Variants in SDCCAG8 observed in about 807,000 individuals in gnomAD.
The protein encoded by SDCCAG8 is serologically defined colon cancer antigen 8.
A neutral mutation model predicts 101.8 loss-of-function variants in SDCCAG8; 74 were observed. That is an observed-to-expected ratio of 0.73 (90% CI 0.60 to 0.88). SDCCAG8 has a LOEUF of 0.88. Among genes scored for constraint, SDCCAG8 ranks in the 40% least tolerant of loss-of-function variants. SDCCAG8 has a pLI of 0.00. For missense variants in SDCCAG8, 787 were observed against 822.6 expected, an observed-to-expected ratio of 0.96 and a Z score of 0.53; for synonymous variants, 281 against 292.9, an observed-to-expected ratio of 0.96 and a Z score of 0.41.
intron 16 of SDCCAG8, among the ~76,000 whole-genome samples, chr1:243,487,175 T>A (rs1041566709): frequency 6.6e-6 from 1 of 152,210 alleles, no homozygotes. Flanking sequence ...GCCGCCTGCC[T>A]GTGTCAGAGG....
intron 13 of SDCCAG8, among the ~76,000 whole-genome samples, chr1:243,381,524 G>A (rs1428302710): frequency 1.3e-5 from 2 of 152,006 alleles, no homozygotes; most frequent in African/African-American, 4.8e-5. Flanking sequence ...TGAGGTTCAA[G>A]CCTGCTGTGA....
intron 16 of SDCCAG8, among the ~76,000 whole-genome samples, chr1:243,471,997 T>C (rs1182093921): frequency 6.6e-6 from 1 of 152,168 alleles, no homozygotes; most frequent in African/African-American, 2.4e-5. Context: ...CCATTCTTAT[T>C]TTGGGAGGCT....
At chr1:243,420,322 A>G (rs1002857992) in intron 15 of SDCCAG8, among the ~76,000 whole-genome samples, 19 of 152,250 alleles carry the variant, frequency 1.2e-4, no homozygotes, top group South Asian at 1.2e-3. Flanking sequence ...ACATACACGT[A>G]TCAAGTGCCT....
intron 16 of SDCCAG8, among the ~76,000 whole-genome samples, chr1:243,455,636 A>AC (rs35388746): frequency 0.28 from 42,145 of 152,126 alleles, 6,194 homozygotes; most frequent in African/African-American, 0.35. Context: ...TTAATAAATG[A>AC]CCTAATTCAA....
At chr1:243,303,270 T>A (rs2071720395) in intron 6 of SDCCAG8, among the ~76,000 whole-genome samples, 1 of 152,238 alleles carries the variant, frequency 6.6e-6, no homozygotes, top group African/African-American at 2.4e-5. Flanking sequence ...AAGACTGCTT[T>A]TGACTTCTTT....
intron 16 of SDCCAG8, among the ~76,000 whole-genome samples, chr1:243,461,293 A>C (rs1467885977): frequency 1.3e-5 from 2 of 152,218 alleles, no homozygotes; most frequent in Non-Finnish European, 2.9e-5. Context: ...ATACAACTAC[A>C]TGGATAATTT....
intron 13 of SDCCAG8, among the ~76,000 whole-genome samples, chr1:243,399,417 G>T (rs1312262535): frequency 1.3e-5 from 2 of 152,134 alleles, no homozygotes; most frequent in African/African-American, 4.8e-5. Context: ...CACGGTTACT[G>T]GTTCTTGAAA....
At chr1:243,307,299 TTTC>T (rs1396317275) in intron 7 of SDCCAG8, 2 of 72,292 alleles carry the variant, frequency 2.8e-5, no homozygotes, top group African/African-American at 2.1e-4. Context: ...TCCCCAGCCC[TTTC>T]TTTAGCAGCC....
At chr1:243,393,774 A>G (rs2078870122) in intron 13 of SDCCAG8, among the ~76,000 whole-genome samples, 1 of 152,188 alleles carries the variant, frequency 6.6e-6, no homozygotes, top group East Asian at 1.9e-4. Context: ...TTTTTTTTAT[A>G]TGCTTTCTAC....
chr1:243,426,328 T>G (rs1354752988), intron 15 of SDCCAG8, 99 bp from the exon 16 acceptor site: 25 of 1,025,960 alleles, frequency 2.4e-5, no homozygotes, highest in Non-Finnish European at 1.0e-5. Flanking sequence ...CTATCATGTT[T>G]AAGTGTGGAG....
chr1:243,382,813 G>T (rs1431469485), intron 13 of SDCCAG8, among the ~76,000 whole-genome samples: 7 of 152,204 alleles, frequency 4.6e-5, no homozygotes, highest in African/African-American at 1.7e-4. Flanking sequence ...CCGTGAAGTG[G>T]AAAGGAAGTA....
At chr1:243,370,944 A>AT (rs750269107) in intron 12 of SDCCAG8, among the ~76,000 whole-genome samples, 6 of 152,154 alleles carry the variant, frequency 3.9e-5, no homozygotes, top group Non-Finnish European at 7.4e-5. Flanking sequence ...TTGCACGTTG[A>AT]TTCTTAGGCT....
Position 243,276,326 on chromosome 1 carries a change from A to G in SDCCAG8, c.420+1670A>G, listed in dbSNP as rs530484724. ...GCAGTGGAGAATGTCTCATAGAAAT[A>G]ATGAAAGTAATCCTGAACTGGTAAA... is the stretch of plus-strand genomic sequence containing the variant. On this transcript the variant is annotated intron_variant, in intron 4 of 17. Transcript: ENST00000366541. 9.2e-5 allele frequency among the ~76,000 whole-genome samples: 14 copies of G among 152,344 alleles called. 1 individual carries two copies. The South Asian group carries it at 2.7e-3, about 29-fold the overall frequency.
At chr1:243,391,814 T>C (rs990078843) in intron 13 of SDCCAG8, among the ~76,000 whole-genome samples, 2 of 152,154 alleles carry the variant, frequency 1.3e-5, no homozygotes, top group African/African-American at 4.8e-5. Context: ...CAAGTCACTA[T>C]TGGAATGTGT....
chr1:243,447,689 A>G (rs1006892256), intron 16 of SDCCAG8, among the ~76,000 whole-genome samples: 4 of 152,258 alleles, frequency 2.6e-5, no homozygotes, highest in African/African-American at 4.8e-5. Flanking sequence ...TGCATAAACT[A>G]TGTACTTTTT....
chr1:243,333,355 C>T lies in SDCCAG8; in HGVS notation c.1221+2663C>T, dbSNP rs181991729. On this transcript the variant is annotated intron_variant, in intron 10 of 17. Coordinates refer to ENST00000366541, the MANE Select transcript of SDCCAG8 (RefSeq NM_006642.5). Reference sequence around the variant, plus strand: ...AATCTGTGGTTCTTAATTTTTGGCACGCAAGAAGTTCTAAAAATCTGATTG... The same window carrying T: ...AATCTGTGGTTCTTAATTTTTGGCATGCAAGAAGTTCTAAAAATCTGATTG... Among the ~76,000 whole-genome samples, 32 of 152,266 alleles carry T rather than the reference C, an allele frequency of 2.1e-4. No homozygotes were observed. In the East Asian group the frequency reaches 2.5e-3, roughly 12 times the overall value.
chr1:243,483,210 C>A (rs946813146), intron 16 of SDCCAG8, among the ~76,000 whole-genome samples: 1 of 152,056 alleles, frequency 6.6e-6, no homozygotes, highest in Non-Finnish European at 1.5e-5. Flanking sequence ...GGGGAGGAGG[C>A]GGCGGGCGCC....
At chr1:243,330,826 G>T (rs991248833) in intron 10 of SDCCAG8, 134 bp downstream of exon 10, 4 of 792,292 alleles carry the variant, frequency 5.0e-6, no homozygotes, top group Non-Finnish European at 2.0e-6. Flanking sequence ...GTTAAATTTC[G>T]TATAATTTAG....
chr1:243,383,825 A>G (rs574238551), intron 13 of SDCCAG8, among the ~76,000 whole-genome samples: 4 of 152,328 alleles, frequency 2.6e-5, no homozygotes, highest in South Asian at 2.1e-4. Flanking sequence ...TTCATCTAAG[A>G]TGAAACCCTC....
Sources: allele counts gnomAD v4.1 joint callset (sites outside exome capture counted in the v4.1 genomes callset), GRCh38; gene constraint gnomAD v4.1.1; transcripts MANE v1.5; gene names NCBI Gene and HGNC (gene_info 2026-07-23, HGNC 2026-07-21).